Variants in TANK observed in about 807,000 individuals in gnomAD.
TANK encodes TRAF family member-associated NF-kappa-B activator.
A neutral mutation model predicts 43.6 loss-of-function variants in TANK; 15 were observed. That is an observed-to-expected ratio of 0.34 (90% confidence interval 0.23 to 0.53). The LOEUF (loss-of-function observed/expected upper bound fraction) is 0.53. TANK is among the 20% of genes least tolerant of loss of function. TANK has a pLI of 0.94. For synonymous variants in TANK, 162 were observed against 178.2 expected (o/e 0.91, Z 0.73); for missense variants, 417 against 498.6 (o/e 0.84, Z 1.56).
chr2:161,233,009 A>G, intron 7 of TANK: 1 of 752,914 alleles, frequency 1.3e-6, no homozygotes, highest in Non-Finnish European at 2.0e-6. Context: ...TTTAAAAAAA[A>G]CCTTTTAAGC....
chr2:161,202,933 T>A, intron 2 of TANK: 1 of 437,554 alleles, frequency 2.3e-6, no homozygotes, highest in East Asian at 7.5e-5. Context: ...ACACCAAAGG[T>A]CAACTATATT....
At chr2:161,183,231 C>T (rs1685510024) in intron 2 of TANK, among the ~76,000 whole-genome samples, 1 of 152,096 alleles carries the variant, frequency 6.6e-6, no homozygotes, top group African/African-American at 2.4e-5. Context: ...AAAGAATACT[C>T]CATTATGGAA....
intron 6 of TANK, among the ~76,000 whole-genome samples, chr2:161,226,742 A>G (rs1255861836): frequency 6.6e-6 from 1 of 150,774 alleles, no homozygotes; most frequent in Non-Finnish European, 1.5e-5. Flanking sequence ...GAAATGATAA[A>G]GATAAAATGT....
chr2:161,161,734 A>C, intron 1 of TANK: 1 of 243,512 alleles, frequency 4.1e-6, no homozygotes, highest in East Asian at 7.9e-5. Context: ...GATGTACCAA[A>C]TTATAGTTAA....
chr2:161,232,673 A>C, intron 7 of TANK: 1 of 1,474,368 alleles, frequency 6.8e-7, no homozygotes. Flanking sequence ...TGTGAAGTGC[A>C]TCAGTTCTAA....
At chr2:161,229,650 A>G (rs1452561756) in intron 6 of TANK, among the ~76,000 whole-genome samples, 2 of 152,220 alleles carry the variant, frequency 1.3e-5, no homozygotes, top group East Asian at 1.9e-4. Context: ...GTGGCAAAAG[A>G]CAGAGAGGTG....
At chr2:161,191,500 CAG>C (rs1685911635) in intron 2 of TANK, among the ~76,000 whole-genome samples, 1 of 152,044 alleles carries the variant, frequency 6.6e-6, no homozygotes, top group South Asian at 2.1e-4. Context: ...GTTTGTTTGC[CAG>C]AGAGCTTTAC....
chr2:161,204,190 A>C (rs904168259), intron 3 of TANK, among the ~76,000 whole-genome samples: 3 of 152,206 alleles, frequency 2.0e-5, no homozygotes, highest in Non-Finnish European at 4.4e-5. Flanking sequence ...GTATAGGAAA[A>C]GAAGAATTCT....
chr2:161,175,303 A>G (rs936273568), intron 1 of TANK, among the ~76,000 whole-genome samples: 1 of 152,186 alleles, frequency 6.6e-6, no homozygotes, highest in Non-Finnish European at 1.5e-5. Context: ...ACAATCCTTG[A>G]ACCAAGAATT....
intron 2 of TANK, among the ~76,000 whole-genome samples, chr2:161,189,107 C>T (rs576199139): frequency 6.6e-6 from 1 of 152,100 alleles, no homozygotes; most frequent in African/African-American, 2.4e-5. Context: ...ACAAAACAGA[C>T]TAAGACAATA....
intron 4 of TANK, chr2:161,212,301 T>C (rs1574044959): frequency 3.6e-6 from 3 of 830,164 alleles, no homozygotes; most frequent in Middle Eastern, 6.1e-4. Flanking sequence ...CCTGAAATGA[T>C]CCACCTGCCT....
intron 1 of TANK, among the ~76,000 whole-genome samples, chr2:161,154,018 G>T (rs971255468): frequency 3.3e-5 from 5 of 152,186 alleles, no homozygotes; most frequent in Admixed American, 6.5e-5. Context: ...TCTGCCTAGT[G>T]AGTATAAGTT....
intron 2 of TANK, chr2:161,200,557 A>G: frequency 3.1e-6 from 3 of 983,450 alleles, no homozygotes; most frequent in Non-Finnish European, 3.6e-6. Flanking sequence ...TTTTCTGAAT[A>G]TGCATTTTCT....
At position 161,200,594 on chromosome 2, in the gene TANK, A is replaced by G. The variant is rs377072017; in HGVS notation, c.100-2893A>G. On this transcript the variant is annotated intron_variant, in intron 2 of 7. Coordinates refer to ENST00000392749, the MANE Select transcript of TANK (RefSeq NM_001199135.3). ...AAATTACTACCTTTTTTCTAACGGT[A>G]TAAGCTTCCCTTTTTAAAAAAAAGA... 34 of 947,146 alleles carry G rather than the reference A, an allele frequency of 3.6e-5. No individual in the cohort carries two copies. The South Asian group carries it at 1.5e-3, about 41-fold the overall frequency. The allele number at this position is 947,146 out of a possible 1,614,324, so 58.7% of individuals were successfully genotyped here. A position where few individuals can be genotyped will look rare whatever the true frequency, so the allele number is the denominator to read the frequency against.
chr2:161,141,267 T>C (rs1683738861), intron 1 of TANK, among the ~76,000 whole-genome samples: 1 of 152,172 alleles, frequency 6.6e-6, no homozygotes, highest in Non-Finnish European at 1.5e-5. Flanking sequence ...GCATTCTGTC[T>C]CTGGATGCAT....
intron 4 of TANK, chr2:161,223,428 G>C (rs958118759): frequency 3.3e-5 from 5 of 152,104 alleles, no homozygotes; most frequent in African/African-American, 1.2e-4. Flanking sequence ...ATTATAAGGA[G>C]CTGTAGCTTG....
At chr2:161,167,412 G>C (rs772281189) in intron 1 of TANK, among the ~76,000 whole-genome samples, 7 of 152,110 alleles carry the variant, frequency 4.6e-5, no homozygotes, top group Non-Finnish European at 1.0e-4. Context: ...ATCCAGGATT[G>C]GTTGGCTGTC....
intron 1 of TANK, chr2:161,160,972 CT>C: frequency 2.3e-6 from 1 of 439,978 alleles, no homozygotes; most frequent in Non-Finnish European, 4.3e-6. Flanking sequence ...TCCCCTCTGC[CT>C]TCCTGTGGGG....
intron 4 of TANK, among the ~76,000 whole-genome samples, chr2:161,220,296 A>G (rs1449190063): frequency 6.6e-6 from 1 of 152,186 alleles, no homozygotes; most frequent in Non-Finnish European, 1.5e-5. Flanking sequence ...TTTAGTCAGA[A>G]TTATCTTTAA....
Sources: allele counts gnomAD v4.1 joint callset (sites outside exome capture counted in the v4.1 genomes callset), GRCh38; gene constraint gnomAD v4.1.1; transcripts MANE v1.5; gene names NCBI Gene and HGNC (gene_info 2026-07-23, HGNC 2026-07-21).